The following ILF2 variants were observed in gnomAD, a reference collection of about 807,000 sequenced individuals.
ILF2 encodes the protein interleukin enhancer binding factor 2.
ILF2 carries 9 observed loss-of-function variants against 55.3 expected under a neutral mutation model. The ratio of observed to expected loss-of-function variants is 0.16; its 90% CI spans 0.10 to 0.28. The LOEUF (loss-of-function observed/expected upper bound fraction) is 0.28. Ranked by LOEUF, ILF2 falls within the 10% of genes least tolerant of loss-of-function variation. The probability of loss-of-function intolerance (pLI) is 1.00; values close to 1 mark genes in which losing one functional copy is unlikely to be tolerated. For missense variants in ILF2, 266 were observed against 474.9 expected, an observed-to-expected ratio of 0.56 and a Z score of 4.09; for synonymous variants, 151 against 161.8, an observed-to-expected ratio of 0.93 and a Z score of 0.50.
intron 3 of ILF2, among the ~76,000 whole-genome samples, chr1:153,669,255 C>T (rs962523761): frequency 6.6e-5 from 10 of 152,042 alleles, no homozygotes; most frequent in African/African-American, 2.2e-4. Flanking sequence ...AAAGTTCAAA[C>T]AAGGATAAAA....
intron 5 of ILF2, 89 bp from the exon 6 acceptor site, chr1:153,667,746 T>C (rs1669348404): frequency 1.1e-6 from 1 of 881,168 alleles, no homozygotes; most frequent in Non-Finnish European, 1.8e-6. Context: ...CAGCTACCTG[T>C]TACCCAAATT....
At chr1:153,667,061 G>A (rs143797232) in intron 6 of ILF2, among the ~76,000 whole-genome samples, 1 of 152,240 alleles carries the variant, frequency 6.6e-6, no homozygotes, top group African/African-American at 2.4e-5. Flanking sequence ...GGTGGAGGTT[G>A]CAGTGAACCG....
chr1:153,665,376 C>T, intron 7 of ILF2, 40 bp from the exon 8 acceptor site: 2 of 1,314,642 alleles, frequency 1.5e-6, no homozygotes, highest in Non-Finnish European at 2.2e-6. Context: ...ACTCACATTT[C>T]CATTAGATGA....
At position 153,664,149 on chromosome 1, in the gene ILF2, C is replaced by G. The variant is rs747069423; in HGVS notation, c.657-19G>C. 1.3e-6 allele frequency: 2 copies of G among 1,501,520 alleles called. No individual in the cohort carries two copies. Among genetic ancestry groups the G allele is most frequent in the East Asian group, 2.3e-5 (1 of 44,354 alleles). 93.0% of individuals were successfully genotyped at this position (1,501,520 alleles called of 1,614,324 possible). ...TTTAACTCTGAAAGTAATAGTGACC[C>G]AAACATTAAAATCAATACGATCATG... On this transcript the variant is annotated intron_variant, in intron 9 of 13. Transcript: ENST00000361891.
At position 153,662,471 on chromosome 1, in the gene ILF2, T is replaced by G. The variant is rs1669195010; in HGVS notation, c.1098A>C (p.Glu366Asp). ...KAYEKPPEKK[E>D]GEEEEENTEE... ...CTGTATTCTCCTCTTCTTCCTCTCC[T>G]TCCTTCTTCTCTGGTGGCTTCTCAT... Residue 366 changes from glutamate to aspartate, a missense_variant, in exon 14 of 14, where the codon GAA becomes GAC. By Grantham distance (45) the Glu-to-Asp change is conservative (BLOSUM62 2). Transcript: ENST00000361891. The G allele has an allele frequency of 2.5e-6, 4 of 1,613,478 alleles. No individual in the cohort carries two copies. Among genetic ancestry groups the G allele is most frequent in the Non-Finnish European group, 3.4e-6 (4 of 1,179,388 alleles).
rs766140228 is a variant in ILF2, at chr1:153,664,218, C to A, written c.657-88G>T. 7 of 980,890 alleles carry A rather than the reference C, an allele frequency of 7.1e-6. No homozygotes were observed. The South Asian group carries it at 1.0e-4, about 14-fold the overall frequency. The allele number at this position is 980,890 out of a possible 1,614,324, so 60.8% of individuals were successfully genotyped here. ...AGAATTGAAGCTGACTATGCTATTT[C>A]CAGAACTATACATTCTCTGCTTTCT... On this transcript the variant is annotated intron_variant, in intron 9 of 13. Transcript: ENST00000361891.
chr1:153,670,986 C>T lies in ILF2; in HGVS notation c.-64G>A. 1.9e-6 allele frequency: 3 copies of T among 1,605,246 alleles called. No homozygotes were observed. The highest frequency in any genetic ancestry group is 3.3e-5 in the Admixed American group (2 of 60,016). On this transcript the variant is annotated 5_prime_UTR_variant, in exon 1 of 14. Transcript: ENST00000361891. Reference sequence around the variant, plus strand: ...GCCCCTTCCTCTGAGTAGCAGACAACTGAAGAGGCGTCTTGCCGGCGTGTC... The same window carrying T: ...GCCCCTTCCTCTGAGTAGCAGACAATTGAAGAGGCGTCTTGCCGGCGTGTC...
intron 13 of ILF2, 68 bp from the exon 14 acceptor site, chr1:153,662,624 A>G (rs1266386689): frequency 1.3e-6 from 2 of 1,570,518 alleles, no homozygotes; most frequent in East Asian, 2.2e-5. Flanking sequence ...CACTGTGGAA[A>G]TATTAAAGAC....
At chr1:153,668,854 G>A (rs143195774) in intron 3 of ILF2, among the ~76,000 whole-genome samples, 7 of 151,444 alleles carry the variant, frequency 4.6e-5, no homozygotes, top group Admixed American at 3.3e-4. Flanking sequence ...CCAAGATCGC[G>A]CCATTGCAAC....
chr1:153,665,771 C>A, intron 6 of ILF2, 43 bp from the exon 7 acceptor site: 1 of 1,471,852 alleles, frequency 6.8e-7, no homozygotes, highest in South Asian at 1.2e-5. Flanking sequence ...AATTTATTTG[C>A]CTAGACTTTC....
At position 153,662,168 on chromosome 1, in the gene ILF2, G is replaced by A. The variant is rs1016489757; in HGVS notation, c.*228C>T. The A allele has an allele frequency of 1.0e-5, 5 of 486,226 alleles. No homozygotes were observed. The highest frequency in any genetic ancestry group is 7.7e-5 in the African/African-American group (4 of 52,006). The allele number at this position is 486,226 out of a possible 1,614,324, so 30.1% of individuals were successfully genotyped here. On this transcript the variant is annotated 3_prime_UTR_variant, in exon 14 of 14. Transcript: ENST00000361891. The stretch of plus-strand genomic sequence containing the variant: ...GGAGTTGGAGATTATAGAATATTAG[G>A]AAGAAATGTTGGTATCCTCCATTAT...
chr1:153,665,697 G>A lies in ILF2; in HGVS notation c.426C>T (p.Val142=), dbSNP rs369809543. The part of the protein sequence containing the change: ...LEAVAALGNK[V]VESLRAQDPS... The stretch of plus-strand genomic sequence containing the variant: ...GATCCTGTGCTCTTAGGCTTTCCAC[G>A]ACTTTGTTCCCCAGGGCAGCAACAG... The change falls in exon 7 of 14, where the codon GTC becomes GTT. Residue 142 remains valine, a synonymous_variant. Transcript: ENST00000361891. The A allele has an allele frequency of 2.5e-5, 40 of 1,612,500 alleles. No individual in the cohort carries two copies. The highest frequency in any genetic ancestry group is 1.3e-4 in the Admixed American group (8 of 59,592).
intron 13 of ILF2, 56 bp from the exon 14 acceptor site, chr1:153,662,612 T>TA (rs751508804): frequency 1.7e-4 from 272 of 1,573,432 alleles, no homozygotes; most frequent in Non-Finnish European, 2.2e-4. Context: ...AGTCATTACT[T>TA]ACACTGTGGA....
At chr1:153,664,962 C>G (rs1321486524) in intron 8 of ILF2, among the ~76,000 whole-genome samples, 1 of 152,218 alleles carries the variant, frequency 6.6e-6, no homozygotes, top group Non-Finnish European at 1.5e-5. Flanking sequence ...AAGCCTATCC[C>G]CCTCCATAAA....
At chr1:153,667,680 G>T in intron 5 of ILF2, 23 bp from the exon 6 acceptor site, 1 of 1,535,516 alleles carries the variant, frequency 6.5e-7, no homozygotes, top group Non-Finnish European at 8.9e-7. Flanking sequence ...GGATTTCGGG[G>T]AAAAACAATT....
intron 1 of ILF2, 76 bp downstream of exon 1, chr1:153,670,842 C>A: frequency 6.3e-7 from 1 of 1,577,352 alleles, no homozygotes; most frequent in South Asian, 1.1e-5. Flanking sequence ...TTCTGATACT[C>A]CGACTTCTTT....
In ILF2 at chr1:153,663,226, G is replaced by A. The variant is rs766138986; in HGVS notation, c.795C>T (p.Asn265=). 1.5e-5 allele frequency: 25 copies of A among 1,614,092 alleles called. No individual in the cohort carries two copies. Among genetic ancestry groups the A allele is most frequent in the South Asian group, 5.5e-5 (5 of 91,086 alleles). Residue 265 remains asparagine, a synonymous_variant, in exon 11 of 14, where the codon AAC becomes AAT. Transcript: ENST00000361891. The stretch of plus-strand genomic sequence containing the variant: ...AAAGCATGCTGTACCTGTATGCAAC[G>A]TTTAGGGCCAAAGGCTGTCTGGTGG... ...NNPTRQPLAL[N]VAYRRCLQIL...
intron 8 of ILF2, 27 bp from the exon 9 acceptor site, chr1:153,664,501 G>A (rs1229540172): frequency 2.6e-6 from 4 of 1,556,926 alleles, no homozygotes; most frequent in Non-Finnish European, 2.7e-6. Flanking sequence ...GATATGCCAG[G>A]ATGAAACATT....
chr1:153,667,967 C>A (rs377377185), intron 5 of ILF2, 33 bp downstream of exon 5: 20 of 1,486,078 alleles, frequency 1.3e-5, no homozygotes, highest in South Asian at 8.2e-5. Flanking sequence ...ACCAAAGCTG[C>A]CCTTTCCTAA....
Sources: allele counts gnomAD v4.1 joint callset (sites outside exome capture counted in the v4.1 genomes callset), GRCh38; gene constraint gnomAD v4.1.1; transcripts MANE v1.5; gene names NCBI Gene and HGNC (gene_info 2026-07-23, HGNC 2026-07-21).